BRCA2: variants seen among roughly 807,000 people sequenced by gnomAD.
BRCA2 encodes the protein breast cancer type 2 susceptibility protein.
BRCA2 carries 203 observed loss-of-function variants against 276.7 expected under a neutral mutation model. The observed-to-expected ratio is 0.73, with a 90% confidence interval of 0.65 to 0.82. The LOEUF is 0.82. Among genes scored for constraint, BRCA2 ranks in the 40% least tolerant of loss-of-function variants. BRCA2 has a pLI of 0.00. For synonymous variants in BRCA2, 1,289 were observed against 1,338.4 expected, an observed-to-expected ratio of 0.96 and a Z score of 0.81; for missense variants, 3,920 against 3,915.0, an observed-to-expected ratio of 1.00 and a Z score of -0.03.
rs786201992 is a variant in BRCA2, at chr13:32,370,520, G to T, written c.8450G>T (p.Cys2817Phe). 5.6e-6 allele frequency: 9 copies of T among 1,613,808 alleles called. No homozygotes were observed. Among genetic ancestry groups the T allele is most frequent in the Non-Finnish European group, 7.6e-6 (9 of 1,179,794 alleles). The change falls in exon 19 of 27, where the codon TGT (cysteine) becomes TTT (phenylalanine). Residue 2817 changes from cysteine to phenylalanine, a missense_variant. Coordinates refer to ENST00000380152, the MANE Select transcript of BRCA2 (RefSeq NM_000059.4). ...SLFSDGGNVG[C>F]VDVIIQRAYP... ...TTCAGTGATGGAGGAAATGTTGGTT[G>T]TGTTGATGTAATTATTCAAAGAGCA...
intron 16 of BRCA2, 138 bp from the exon 17 acceptor site, chr13:32,362,385 A>G (rs2072742955): frequency 1.2e-6 from 1 of 808,912 alleles, no homozygotes; most frequent in Non-Finnish European, 2.0e-6. Context: ...TTCTGAAATT[A>G]TATTGTAGAT....
chr13:32,343,211 G>A (rs1392146339), intron 11 of BRCA2, among the ~76,000 whole-genome samples: 2 of 151,966 alleles, frequency 1.3e-5, no homozygotes, highest in African/African-American at 4.8e-5. Context: ...GTTTTTTTGT[G>A]TGTGTTTTTT....
At chr13:32,367,420 G>A (rs2072791042) in intron 18 of BRCA2, among the ~76,000 whole-genome samples, 1 of 151,792 alleles carries the variant, frequency 6.6e-6, no homozygotes, top group South Asian at 2.1e-4. Flanking sequence ...CTGGGTGACA[G>A]AGCGAGACTC....
chr13:32,376,657 T>G lies in BRCA2; in HGVS notation c.8633-13T>G. 1 of 1,613,680 alleles carries G rather than the reference T, an allele frequency of 6.2e-7. No individual in the cohort carries two copies. Among genetic ancestry groups the G allele is most frequent in the Admixed American group, 1.7e-5 (1 of 60,008 alleles). On this transcript the variant is annotated splice_polypyrimidine_tract_variant and intron_variant, in intron 20 of 26. Coordinates refer to ENST00000380152, the MANE Select transcript of BRCA2 (RefSeq NM_000059.4). ...TACAGTTTAGTGAATTAATAATCCT[T>G]TTGTTTTCTTAGAAAACACAACAAA...
chr13:32,386,275 G>A (rs1449905945), intron 24 of BRCA2, among the ~76,000 whole-genome samples: 1 of 152,166 alleles, frequency 6.6e-6, no homozygotes, highest in Non-Finnish European at 1.5e-5. Flanking sequence ...AGGGGTGGTG[G>A]CACACACCTG....
chr13:32,367,340 G>T (rs1331378379), intron 18 of BRCA2, among the ~76,000 whole-genome samples: 1 of 152,068 alleles, frequency 6.6e-6, no homozygotes, highest in African/African-American at 2.4e-5. Context: ...GGAGGCTGAG[G>T]CAGGGAGAAT....
intron 24 of BRCA2, among the ~76,000 whole-genome samples, chr13:32,389,985 C>G (rs1194179384): frequency 6.6e-6 from 1 of 152,170 alleles, no homozygotes; most frequent in African/African-American, 2.4e-5. Flanking sequence ...GTGCTTAGTT[C>G]TATCCATAAT....
intron 18 of BRCA2, among the ~76,000 whole-genome samples, chr13:32,368,688 C>T (rs2072804835): frequency 6.6e-6 from 1 of 152,032 alleles, no homozygotes; most frequent in South Asian, 2.1e-4. Flanking sequence ...CCTCAAATAT[C>T]AGTGACTGTT....
At chr13:32,367,886 C>G (rs1232255152) in intron 18 of BRCA2, among the ~76,000 whole-genome samples, 2 of 151,416 alleles carry the variant, frequency 1.3e-5, no homozygotes, top group African/African-American at 2.4e-5. Flanking sequence ...TTGGGACCCT[C>G]AAGTAGATGA....
rs886040405 is a variant in BRCA2 at position 32,336,484 on chromosome 13, C to T, written c.2129C>T (p.Ser710Leu). The T allele has an allele frequency of 1.2e-6, 2 of 1,614,010 alleles. No individual in the cohort carries two copies. Among genetic ancestry groups the T allele is most frequent in the African/African-American group, 2.7e-5 (2 of 75,010 alleles). ...LFITPEADSL[S>L]CLQEGQCEND... ...ATTACCCCAGAAGCTGATTCTCTGT[C>T]ATGCCTGCAGGAAGGACAGTGTGAA... The change falls in exon 11 of 27, where the codon TCA becomes TTA. Residue 710 changes from serine (S) to leucine (L), a missense_variant. Ser to Leu is a moderately radical substitution (Grantham distance 145). Around this residue, in one of 2 missense-constraint regions of BRCA2, gnomAD observed 3,263 missense variants for 3,156.9 expected, o/e 1.03. Transcript: ENST00000380152.
At chr13:32,355,354 T>A (rs2137559501) in intron 14 of BRCA2, 66 bp downstream of exon 14, 6 of 1,558,242 alleles carry the variant, frequency 3.9e-6, no homozygotes, top group Non-Finnish European at 4.4e-6. Flanking sequence ...TGTTAAATAA[T>A]GTCCTGATGG....
rs80359224 is a variant in BRCA2 at position 32,396,905 on chromosome 13, A to G, written c.9509A>G (p.Asp3170Gly). 15 of 1,613,984 alleles carry G rather than the reference A, an allele frequency of 9.3e-6. No individual in the cohort carries two copies. The highest frequency in any genetic ancestry group is 1.2e-5 in the Non-Finnish European group (14 of 1,179,990). The change falls in exon 26 of 27, where the codon GAC (aspartate) becomes GGC (glycine). Residue 3170 changes from aspartate to glycine, a missense_variant. Asp to Gly is a moderately conservative substitution (Grantham distance 94). Coordinates refer to ENST00000380152, the MANE Select transcript of BRCA2 (RefSeq NM_000059.4). The part of the protein sequence containing the change: ...NKMKNTVENI[D>G]ILCNEAENKL... ...TTCCACTTATTTTCTTAGAATATTGACATACTTTGCAATGAAGCAGAAAAC... is the reference window on the plus strand; with the variant it reads ...TTCCACTTATTTTCTTAGAATATTGGCATACTTTGCAATGAAGCAGAAAAC...
chr13:32,390,192 T>C (rs1212654855), intron 24 of BRCA2, among the ~76,000 whole-genome samples: 1 of 152,190 alleles, frequency 6.6e-6, no homozygotes, highest in Non-Finnish European at 1.5e-5. Flanking sequence ...GCTTAAAATC[T>C]TCAGTGGTCC....
In BRCA2 at chr13:32,335,313, C is replaced by T. The variant is rs11571648; in HGVS notation, c.1910-952C>T. ...TGAGCTGAGATCACGCCACTGCACT[C>T]CAGCCTGGGTGACAGAACGAGACTC... On this transcript the variant is annotated intron_variant, in intron 10 of 26. Transcript: ENST00000380152. Among the ~76,000 whole-genome samples the T allele has an allele frequency of 5.8e-3, 877 of 150,440 alleles. 8 individuals carry two copies. Among genetic ancestry groups the T allele is most frequent in the African/African-American group, 0.021 (848 of 40,770 alleles).
At chr13:32,344,054 GTTTCTA>G (rs763788818) in intron 11 of BRCA2, among the ~76,000 whole-genome samples, 1 of 150,564 alleles carries the variant, frequency 6.6e-6, no homozygotes, top group Non-Finnish European at 1.5e-5. Flanking sequence ...AATAAGAATT[GTTTCTA>G]TTACTAGTAC....
rs1555284200 is a variant in BRCA2 at position 32,339,730 on chromosome 13, C to T, written c.5375C>T (p.Ser1792Phe). Reference protein sequence around the residue: ...QKNTSFSKVISNVKDANAYPQ... With the variant: ...QKNTSFSKVIFNVKDANAYPQ... ...AACACTAGTTTTTCCAAAGTAATAT[C>T]CAATGTAAAAGATGCAAATGCATAC... Residue 1792 changes from serine to phenylalanine, a missense_variant, in exon 11 of 27, where the codon TCC becomes TTC. This residue lies in a region of BRCA2 where 3,263 missense variants were observed against 3,156.9 expected (regional missense o/e 1.03). Coordinates refer to ENST00000380152, the MANE Select transcript of BRCA2 (RefSeq NM_000059.4). 6.2e-7 allele frequency: 1 copy of T among 1,613,672 alleles called. No individual in the cohort carries two copies.
chr13:32,379,870 T>C lies in BRCA2; in HGVS notation c.9074T>C (p.Ile3025Thr), dbSNP rs1593937597. The C allele has an allele frequency of 6.2e-7, 1 of 1,613,614 alleles. No homozygotes were observed. The highest frequency in any genetic ancestry group is 8.5e-7 in the Non-Finnish European group (1 of 1,179,602). The change falls in exon 23 of 27, where the codon ATA becomes ACA. Residue 3025 changes from isoleucine to threonine, a missense_variant. By Grantham distance (89) the Ile-to-Thr change is moderately conservative. Transcript: ENST00000380152. ...KSKSKSERAN[I>T]QLAATKKTQY... ...AAAAGTAAATCTGAAAGAGCTAACA[T>C]ACAGTTAGCAGCGACAAAAAAAACT... is the stretch of plus-strand genomic sequence containing the variant.
intron 12 of BRCA2, among the ~76,000 whole-genome samples, chr13:32,346,227 T>A (rs2072609838): frequency 6.6e-6 from 1 of 151,986 alleles, no homozygotes; most frequent in African/African-American, 2.4e-5. Context: ...AGCAAATACA[T>A]GTATATACTC....
rs11571636 is a variant in BRCA2, at chr13:32,330,889, A to C, written c.682-30A>C. On this transcript the variant is annotated intron_variant, in intron 8 of 26. Transcript: ENST00000380152. ...CTATATGTGCATTGAGAGTTTTTAT[A>C]CTAGTGATTTTAAACTATAATTTTT... The C allele has an allele frequency of 2.9e-4, 391 of 1,349,516 alleles. 1 individual carries two copies. The African/African-American group carries it at 5.4e-3, about 19-fold the overall frequency. 83.6% of individuals were successfully genotyped at this position (1,349,516 alleles called of 1,614,324 possible).
Sources: gnomAD v4.1 joint callset for allele counts (sites outside exome capture counted in the v4.1 genomes callset) on GRCh38, gnomAD v4.1.1 for gene constraint, gnomAD v4.1.1 regional missense constraint, MANE v1.5 for transcripts, NCBI Gene and HGNC (gene_info 2026-07-23, HGNC 2026-07-21) for gene names.